The following CEP63 variants were observed in gnomAD, a reference collection of about 807,000 sequenced individuals.
CEP63 encodes centrosomal protein of 63 kDa.
CEP63 carries 84 observed loss-of-function variants against 89.1 expected under a neutral mutation model. That is an observed-to-expected ratio of 0.94 (90% CI 0.79 to 1.13). The LOEUF (loss-of-function observed/expected upper bound fraction) is 1.13, where lower values mean the gene tolerates loss of function less well. CEP63 is among the 50% of genes most tolerant of loss of function. CEP63 has a pLI of 0.00. For synonymous variants in CEP63, 267 were observed against 272.5 expected (o/e 0.98, Z 0.20); for missense variants, 838 against 813.3 (o/e 1.03, Z -0.37).
At chr3:134,643,258 G>A in the CEP63 span, 6 of 1,534,382 alleles carry the variant, frequency 3.9e-6, no homozygotes, top group Admixed American at 1.7e-5. Flanking sequence ...GCTGGCCAGA[G>A]CATCAGGTCT....
chr3:134,605,362 G>T, the CEP63 span, among the ~76,000 whole-genome samples: 1 of 152,258 alleles, frequency 6.6e-6, no homozygotes, highest in South Asian at 2.1e-4. Context: ...GTTCACAGTT[G>T]AGTGCAAAGG....
At chr3:134,762,499 T>C in the CEP63 span, among the ~76,000 whole-genome samples, 1 of 152,208 alleles carries the variant, frequency 6.6e-6, no homozygotes, top group African/African-American at 2.4e-5. Context: ...AGGATAGGTC[T>C]TTACAAAGGT....
chr3:134,540,135 G>A (rs1410680544), intron 6 of CEP63, among the ~76,000 whole-genome samples: 1 of 152,136 alleles, frequency 6.6e-6, no homozygotes, highest in Non-Finnish European at 1.5e-5. Flanking sequence ...ATTTGTGTAT[G>A]CTTGAAATTT....
chr3:134,610,226 C>G, the CEP63 span: 1 of 1,613,758 alleles, frequency 6.2e-7, no homozygotes, highest in South Asian at 1.1e-5. Context: ...ATGGTGTCCA[C>G]CAGGCCGCTG....
chr3:134,745,983 T>G, the CEP63 span, among the ~76,000 whole-genome samples: 1 of 151,638 alleles, frequency 6.6e-6, no homozygotes, highest in Non-Finnish European at 1.5e-5. Context: ...TTGTTACATA[T>G]GTATACATGT....
At chr3:134,695,106 G>T in the CEP63 span, among the ~76,000 whole-genome samples, 13 of 152,182 alleles carry the variant, frequency 8.5e-5, no homozygotes, top group Non-Finnish European at 1.6e-4. Flanking sequence ...AGGTCAGCCG[G>T]CCGGGACCTG....
At chr3:134,697,125 A>G in the CEP63 span, among the ~76,000 whole-genome samples, 1 of 152,212 alleles carries the variant, frequency 6.6e-6, no homozygotes, top group East Asian at 1.9e-4. Flanking sequence ...GAGTGGGAAA[A>G]GGGAGGTGGT....
At chr3:134,753,632 A>T in the CEP63 span, among the ~76,000 whole-genome samples, 3 of 152,224 alleles carry the variant, frequency 2.0e-5, no homozygotes, top group Admixed American at 2.0e-4. Flanking sequence ...GAAAACATAC[A>T]CAGTCACATT....
At chr3:134,517,558 A>G (rs1946522692) in intron 3 of CEP63, among the ~76,000 whole-genome samples, 1 of 152,202 alleles carries the variant, frequency 6.6e-6, no homozygotes, top group Admixed American at 6.5e-5. Flanking sequence ...ACCAAAATTG[A>G]CCATATGCTG....
chr3:134,706,653 T>C, the CEP63 span, among the ~76,000 whole-genome samples: 1 of 152,186 alleles, frequency 6.6e-6, no homozygotes, highest in Non-Finnish European at 1.5e-5. Flanking sequence ...AGGGCCGCCT[T>C]AACAAATTAT....
the CEP63 span, among the ~76,000 whole-genome samples, chr3:134,631,460 A>C: frequency 6.6e-6 from 1 of 152,220 alleles, no homozygotes; most frequent in African/African-American, 2.4e-5. Context: ...GTAAATATCT[A>C]GATAAATATA....
At chr3:134,521,554 A>G (rs1357027404) in intron 3 of CEP63, among the ~76,000 whole-genome samples, 2 of 152,136 alleles carry the variant, frequency 1.3e-5, no homozygotes, top group African/African-American at 4.8e-5. Flanking sequence ...CATTTATGCA[A>G]AGTACATTTG....
the CEP63 span, among the ~76,000 whole-genome samples, chr3:134,763,995 G>A: frequency 1.3e-5 from 2 of 152,216 alleles, no homozygotes; most frequent in East Asian, 3.8e-4. Flanking sequence ...TCCAAGGCTA[G>A]CTTTGTTTAC....
At chr3:134,519,391 C>A (rs1946953671) in intron 3 of CEP63, among the ~76,000 whole-genome samples, 1 of 152,060 alleles carries the variant, frequency 6.6e-6, no homozygotes, top group African/African-American at 2.4e-5. Context: ...GCCTCAGCCA[C>A]CCAAAGTGCT....
At chr3:134,561,305 G>T in intron 14 of CEP63, 72 bp from the exon 15 acceptor site, 1 of 1,409,942 alleles carries the variant, frequency 7.1e-7, no homozygotes. Context: ...GTTAGAAAAT[G>T]TCATGAACAG....
At chr3:134,528,893 A>G (rs1949289815) in intron 3 of CEP63, among the ~76,000 whole-genome samples, 1 of 152,322 alleles carries the variant, frequency 6.6e-6, no homozygotes, top group East Asian at 1.9e-4. Context: ...AATCAAACAG[A>G]TGAGTCCTCA....
the CEP63 span, among the ~76,000 whole-genome samples, chr3:134,762,423 T>C: frequency 6.6e-6 from 1 of 152,162 alleles, no homozygotes. Context: ...ATGGGTTGAA[T>C]TGTACCCTCT....
At chr3:134,510,010 A>G (rs1261345138) in intron 3 of CEP63, among the ~76,000 whole-genome samples, 1 of 152,238 alleles carries the variant, frequency 6.6e-6, no homozygotes, top group East Asian at 1.9e-4. Context: ...AAGAAAACAA[A>G]TATTGTTTTG....
the CEP63 span, among the ~76,000 whole-genome samples, chr3:134,662,843 T>C: frequency 6.6e-6 from 1 of 152,228 alleles, no homozygotes; most frequent in Admixed American, 6.5e-5. Context: ...TATTGGAGTC[T>C]GATGCCAGGT....
Sources: allele counts gnomAD v4.1 joint callset (sites outside exome capture counted in the v4.1 genomes callset), GRCh38; gene constraint gnomAD v4.1.1; transcripts MANE v1.5; gene names NCBI Gene and HGNC (gene_info 2026-07-23, HGNC 2026-07-21).